NRXN1: variants seen among roughly 807,000 people sequenced by gnomAD.
NRXN1 encodes the protein neurexin-1.
In NRXN1, 39 loss-of-function variants were observed where a neutral mutation model predicts 150.9. The observed-to-expected ratio is 0.26, with a 90% confidence interval of 0.20 to 0.34. The LOEUF is 0.34. Among genes scored for constraint, NRXN1 ranks in the 10% least tolerant of loss-of-function variants. NRXN1 has a pLI of 1.00. For synonymous variants in NRXN1, 924 were observed against 757.0 expected (o/e 1.22, Z -3.62); for missense variants, 1,815 against 1,949.9 (o/e 0.93, Z 1.30).
At chr2:50,490,117 T>C (rs1378134054) in intron 15 of NRXN1, among the ~76,000 whole-genome samples, 1 of 152,190 alleles carries the variant, frequency 6.6e-6, no homozygotes, top group East Asian at 1.9e-4. Flanking sequence ...ATATATCAAG[T>C]CTTATTTCTA....
intron 15 of NRXN1, among the ~76,000 whole-genome samples, chr2:50,488,493 T>A (rs6726707): frequency 0.055 from 8,306 of 152,030 alleles, 786 homozygotes; most frequent in African/African-American, 0.19. Context: ...TGGGCAGCTT[T>A]TGGGAGGCAG....
At chr2:50,390,347 C>T (rs2081605905) in intron 17 of NRXN1, among the ~76,000 whole-genome samples, 2 of 152,046 alleles carry the variant, frequency 1.3e-5, no homozygotes, top group Admixed American at 1.3e-4. Flanking sequence ...TTTGTACATT[C>T]TTCTTTTAAC....
chr2:51,008,107 T>C (rs1258973553), intron 2 of NRXN1, among the ~76,000 whole-genome samples: 1 of 151,932 alleles, frequency 6.6e-6, no homozygotes, highest in Non-Finnish European at 1.5e-5. Flanking sequence ...CTTTGATTGT[T>C]GCTGGCAATG....
chr2:49,951,066 C>T (rs770627642), intron 21 of NRXN1, among the ~76,000 whole-genome samples: 2 of 151,742 alleles, frequency 1.3e-5, no homozygotes, highest in Non-Finnish European at 2.9e-5. Context: ...AGAACTCTGC[C>T]GTGGTAAAGA....
At chr2:50,394,940 C>T (rs1028895212) in intron 17 of NRXN1, among the ~76,000 whole-genome samples, 2 of 152,036 alleles carry the variant, frequency 1.3e-5, no homozygotes, top group African/African-American at 4.8e-5. Context: ...TTCACCAAGA[C>T]AGTCACATGA....
Position 50,346,981 on chromosome 2 carries a change from G to C in NRXN1, c.3365-110011C>G. 2 of 1,359,816 alleles carry C rather than the reference G, an allele frequency of 1.5e-6. No individual in the cohort carries two copies. The highest frequency in any genetic ancestry group is 1.9e-6 in the Non-Finnish European group (2 of 1,056,766). The allele number at this position is 1,359,816 out of a possible 1,614,324, so 84.2% of individuals were successfully genotyped here. A position where few individuals can be genotyped will look rare whatever the true frequency, so the allele number is the denominator to read the frequency against. On this transcript the variant is annotated intron_variant, in intron 17 of 22. Transcript: ENST00000401669. This position sits in a 1 kb window ranked among gnomAD's most constrained non-coding sequence, Gnocchi z 5.0. Reference sequence around the variant, plus strand: ...GCGCCCGCCGAGGGGCAGCCGCCGCGGGAGGCAAAGTTTGGGGCGCGGGGA... The same window carrying C: ...GCGCCCGCCGAGGGGCAGCCGCCGCCGGAGGCAAAGTTTGGGGCGCGGGGA...
intron 17 of NRXN1, among the ~76,000 whole-genome samples, chr2:50,407,456 G>T (rs1262880930): frequency 6.6e-6 from 1 of 152,064 alleles, no homozygotes; most frequent in African/African-American, 2.4e-5. Context: ...CATTGATATT[G>T]TCCCTCTCCT....
chr2:50,524,378 C>T (rs1344057172), intron 12 of NRXN1, among the ~76,000 whole-genome samples: 1 of 151,906 alleles, frequency 6.6e-6, no homozygotes, highest in Non-Finnish European at 1.5e-5. Flanking sequence ...ACTTGGAAGG[C>T]TGAGGTAGGA....
intron 2 of NRXN1, chr2:50,979,172 T>C: frequency 2.1e-6 from 1 of 487,500 alleles, no homozygotes; most frequent in Non-Finnish European, 4.1e-6. Context: ...ACTTACATGG[T>C]CATCGTATGT....
rs766372396 is a variant in NRXN1, at chr2:50,439,717, TGAGGCAGGAGAATGGCGTGAACCTGG to T, written c.3364+25699_3364+25724del. Among the ~76,000 whole-genome samples, 31 of 151,450 alleles carry T rather than the reference TGAGGCAGGAGAATGGCGTGAACCTGG, an allele frequency of 2.0e-4. No individual in the cohort carries two copies. The East Asian group carries it at 5.9e-3, about 29-fold the overall frequency. On this transcript the variant is annotated intron_variant, in intron 17 of 22. Transcript: ENST00000401669. ...CTGTAGTCCCAGCTACTCGGGAGGC[TGAGGCAGGAGAATGGCGTGAACCTGG>T]GAGGCAGAGCTTGCAGTGAACCGAA...
At chr2:50,909,337 A>T (rs1026087477) in intron 5 of NRXN1, among the ~76,000 whole-genome samples, 5 of 152,064 alleles carry the variant, frequency 3.3e-5, no homozygotes, top group Non-Finnish European at 7.4e-5. Context: ...ATCATCACCC[A>T]TTACTTAACT....
intron 17 of NRXN1, among the ~76,000 whole-genome samples, chr2:50,281,316 C>CACAAAAAAAAAAAAAAAAACAAACAAA (rs1187135501): frequency 1.6e-5 from 2 of 124,630 alleles, no homozygotes; most frequent in African/African-American, 5.7e-5. Flanking sequence ...GACTCCGTCT[C>CACAAAAAAAAAAAAAAAAACAAACAAA]AAAAACAATA....
chr2:50,055,810 TCTG>T (rs139572946), intron 19 of NRXN1, among the ~76,000 whole-genome samples: 1,984 of 152,336 alleles, frequency 0.013, 45 homozygotes, highest in African/African-American at 0.045. Flanking sequence ...TAGTCAAATA[TCTG>T]CTTTTTATTA....
intron 22 of NRXN1, among the ~76,000 whole-genome samples, chr2:49,932,720 T>G (rs1670352023): frequency 6.6e-6 from 1 of 152,228 alleles, no homozygotes; most frequent in Non-Finnish European, 1.5e-5. Context: ...CTGTAACATC[T>G]ATATTTTGTT....
chr2:50,937,491 C>G (rs935953696), intron 2 of NRXN1, among the ~76,000 whole-genome samples: 1 of 152,062 alleles, frequency 6.6e-6, no homozygotes, highest in Admixed American at 6.6e-5. Context: ...ATTCTCACAC[C>G]AGATGTAAGG....
chr2:49,922,445 G>C (rs369021975), intron 22 of NRXN1, among the ~76,000 whole-genome samples, 194 bp from the exon 23 acceptor site: 1 of 152,176 alleles, frequency 6.6e-6, no homozygotes, highest in Non-Finnish European at 1.5e-5. Flanking sequence ...TTCTCTGGGA[G>C]ATTTGTTGCT....
chr2:50,189,811 G>A (rs929091194), intron 18 of NRXN1, among the ~76,000 whole-genome samples: 4 of 152,076 alleles, frequency 2.6e-5, no homozygotes, highest in Non-Finnish European at 2.9e-5. Flanking sequence ...ATCATTTAAA[G>A]TTATTGAATT....
chr2:50,540,441 G>C (rs963012254), intron 9 of NRXN1, among the ~76,000 whole-genome samples: 1 of 152,028 alleles, frequency 6.6e-6, no homozygotes, highest in African/African-American at 2.4e-5. Flanking sequence ...CAAATGGAAC[G>C]ATCATTACAC....
At chr2:50,759,826 CTGTGTGTGTG>C (rs72209781) in intron 5 of NRXN1, among the ~76,000 whole-genome samples, 3,185 of 142,384 alleles carry the variant, frequency 0.022, 76 homozygotes, top group African/African-American at 0.052. Context: ...TCTAACTAAG[CTGTGTGTGTG>C]TGTGTGTGTG....
Sources: gnomAD v4.1 joint callset for allele counts (sites outside exome capture counted in the v4.1 genomes callset) on GRCh38, gnomAD v4.1.1 for gene constraint, Gnocchi (gnomAD v3.1) non-coding constraint, MANE v1.5 for transcripts, NCBI Gene and HGNC (gene_info 2026-07-23, HGNC 2026-07-21) for gene names.